The following MYOM1 variants were observed in gnomAD, a reference collection of about 807,000 sequenced individuals.
The protein encoded by MYOM1 is myomesin 1, also known as myomesin-1.
Under a neutral mutation model 205.3 loss-of-function variants are expected in MYOM1, and 164 were observed. The observed-to-expected ratio is 0.80, with a 90% CI of 0.70 to 0.91. MYOM1 has a LOEUF of 0.91. Ranked by LOEUF, MYOM1 falls within the 40% of genes least tolerant of loss-of-function variation. The pLI, the probability that MYOM1 is intolerant of heterozygous loss-of-function variation, is 0.00. For missense variants in MYOM1, 2,011 were observed against 2,127.3 expected (o/e 0.95, Z 1.08); for synonymous variants, 772 against 789.4 (o/e 0.98, Z 0.37).
At chr18:3,134,360 C>T (rs187245788) in intron 16 of MYOM1, among the ~76,000 whole-genome samples, 1 of 152,194 alleles carries the variant, frequency 6.6e-6, no homozygotes, top group African/African-American at 2.4e-5. Context: ...GCTAGGACTA[C>T]AGGCCTGCCA....
intron 33 of MYOM1, among the ~76,000 whole-genome samples, chr18:3,080,588 C>T (rs1373316457): frequency 1.3e-5 from 2 of 151,450 alleles, no homozygotes; most frequent in East Asian, 2.0e-4. Context: ...GCAGGAGAAT[C>T]GCTTGAACCC....
At chr18:3,198,870 A>T (rs562221549) in intron 2 of MYOM1, among the ~76,000 whole-genome samples, 2 of 152,268 alleles carry the variant, frequency 1.3e-5, no homozygotes, top group African/African-American at 4.8e-5. Context: ...CATCAGAATC[A>T]GCTGAGGAAT....
At chr18:3,119,536 C>A (rs549155651) in intron 20 of MYOM1, among the ~76,000 whole-genome samples, 4 of 152,246 alleles carry the variant, frequency 2.6e-5, no homozygotes, top group South Asian at 4.1e-4. Flanking sequence ...CTTTAAGTGG[C>A]CTTTCAGAAG....
intron 5 of MYOM1, among the ~76,000 whole-genome samples, chr18:3,186,500 T>C (rs2080811677): frequency 6.6e-6 from 1 of 152,230 alleles, no homozygotes; most frequent in Non-Finnish European, 1.5e-5. Context: ...TGGCAGATAT[T>C]TGTGACATGT....
intron 17 of MYOM1, among the ~76,000 whole-genome samples, chr18:3,130,104 G>A (rs141428941): frequency 3.8e-4 from 57 of 150,840 alleles, no homozygotes; most frequent in African/African-American, 1.3e-3. Flanking sequence ...GTGCACTGGC[G>A]CAATCTCGGC....
rs75490774 is a variant in MYOM1, at chr18:3,069,419, A to G, written c.4765-1864T>C. Among the ~76,000 whole-genome samples, 625 of 152,336 alleles carry G rather than the reference A, an allele frequency of 4.1e-3. 4 individuals carry two copies. Among genetic ancestry groups the G allele is most frequent in the African/African-American group, 0.015 (604 of 41,570 alleles). ...CACAATGTACAGAGAAAGAACACCCATCTACATAGCTTTCTAAAGGGTCTT... is the reference window on the plus strand; with the variant it reads ...CACAATGTACAGAGAAAGAACACCCGTCTACATAGCTTTCTAAAGGGTCTT... On this transcript the variant is annotated intron_variant, in intron 37 of 37. Coordinates refer to ENST00000356443, the MANE Select transcript of MYOM1 (RefSeq NM_003803.4).
intron 14 of MYOM1, among the ~76,000 whole-genome samples, chr18:3,141,455 T>C (rs1360661042): frequency 1.3e-5 from 2 of 152,210 alleles, no homozygotes; most frequent in Non-Finnish European, 2.9e-5. Flanking sequence ...GCTAGCCAAG[T>C]GCAGTGGCAT....
intron 6 of MYOM1, 75 bp from the exon 7 acceptor site, chr18:3,174,283 T>C (rs2080603058): frequency 1.5e-6 from 2 of 1,301,070 alleles, no homozygotes; most frequent in Admixed American, 3.6e-5. Flanking sequence ...ATCAAGGAAC[T>C]CTTTGCTATC....
intron 34 of MYOM1, among the ~76,000 whole-genome samples, chr18:3,077,976 C>T (rs1315786353): frequency 1.3e-5 from 2 of 151,864 alleles, no homozygotes; most frequent in African/African-American, 2.4e-5. Flanking sequence ...GGCTGAAGGG[C>T]GACGCTCTAA....
intron 10 of MYOM1, among the ~76,000 whole-genome samples, chr18:3,155,677 A>G (rs980089679): frequency 6.6e-6 from 1 of 152,204 alleles, no homozygotes; most frequent in Admixed American, 6.5e-5. Context: ...GAAAATTAAT[A>G]TAGAGATGCT....
intron 1 of MYOM1, 74 bp from the exon 2 acceptor site, chr18:3,215,325 T>A: frequency 8.3e-7 from 1 of 1,199,086 alleles, no homozygotes; most frequent in Non-Finnish European, 1.1e-6. Flanking sequence ...TAAATCAATG[T>A]GTAAAAATCA....
intron 15 of MYOM1, 57 bp from the exon 16 acceptor site, chr18:3,134,881 C>A (rs1312517269): frequency 6.5e-6 from 10 of 1,539,750 alleles, no homozygotes; most frequent in Non-Finnish European, 8.1e-6. Context: ...TCATCCTTAT[C>A]ATCTATGCAC....
At chr18:3,210,241 C>T (rs1030160550) in intron 2 of MYOM1, among the ~76,000 whole-genome samples, 1 of 152,226 alleles carries the variant, frequency 6.6e-6, no homozygotes, top group African/African-American at 2.4e-5. Flanking sequence ...AAGTTCTCTG[C>T]ACTCTCTGCT....
At chr18:3,134,587 T>C (rs2079926420) in intron 16 of MYOM1, 63 bp downstream of exon 16, 6 of 1,490,600 alleles carry the variant, frequency 4.0e-6, no homozygotes, top group Non-Finnish European at 5.4e-6. Flanking sequence ...GATGTCTGTG[T>C]GCCGTATGTG....
intron 5 of MYOM1, among the ~76,000 whole-genome samples, chr18:3,178,003 G>C (rs187958558): frequency 1.5e-3 from 229 of 152,176 alleles, no homozygotes; most frequent in African/African-American, 4.3e-3. Flanking sequence ...CTGTCTTCTG[G>C]GTCTGTACGT....
intron 10 of MYOM1, among the ~76,000 whole-genome samples, chr18:3,162,184 C>T (rs7505620): frequency 0.03 from 4,584 of 152,204 alleles, 97 homozygotes; most frequent in East Asian, 0.07. Flanking sequence ...CTAAGGAGGG[C>T]CTGCCTTCCT....
the MYOM1 span, among the ~76,000 whole-genome samples, chr18:3,237,970 G>A: frequency 6.6e-6 from 1 of 152,138 alleles, no homozygotes; most frequent in East Asian, 1.9e-4. Flanking sequence ...ATATTTCCAG[G>A]GACTGGGGCA....
intron 14 of MYOM1, among the ~76,000 whole-genome samples, chr18:3,136,655 C>T (rs540848116): frequency 6.6e-6 from 1 of 152,166 alleles, no homozygotes; most frequent in African/African-American, 2.4e-5. Context: ...TCTCGAACTC[C>T]TGGGCTCAAG....
At chr18:3,120,106 A>T (rs2079666565) in intron 19 of MYOM1, 111 bp from the exon 20 acceptor site, 1 of 1,386,134 alleles carries the variant, frequency 7.2e-7, no homozygotes, top group Admixed American at 2.6e-5. Flanking sequence ...CCCTAGGGTG[A>T]CCCTCAATGA....
Sources: allele counts gnomAD v4.1 joint callset (sites outside exome capture counted in the v4.1 genomes callset), GRCh38; gene constraint gnomAD v4.1.1; transcripts MANE v1.5; gene names NCBI Gene and HGNC (gene_info 2026-07-23, HGNC 2026-07-21).